ATP6V0A4: variants seen among roughly 807,000 people sequenced by gnomAD.
ATP6V0A4 encodes the protein V-type proton ATPase 116 kDa subunit a 4.
A neutral mutation model predicts 107.3 loss-of-function variants in ATP6V0A4; 86 were observed. The observed-to-expected ratio is 0.80, with a 90% CI of 0.67 to 0.96. ATP6V0A4 has a LOEUF of 0.96. Ranked by LOEUF, ATP6V0A4 falls within the 40% of genes least tolerant of loss-of-function variation. The pLI is 0.00. For synonymous variants in ATP6V0A4, 353 were observed against 381.4 expected (o/e 0.93, Z 0.87); for missense variants, 908 against 1,045.6 (o/e 0.87, Z 1.81).
At chr7:138,707,095 T>TGTGTGTGTGTGTGTGTG (rs1803413713) in intron 21 of ATP6V0A4, among the ~76,000 whole-genome samples, 1 of 110,796 alleles carries the variant, frequency 9.0e-6, no homozygotes, top group Non-Finnish European at 1.7e-5. Context: ...TGTGTGTGTA[T>TGTGTGTGTGTGTGTGTG]AATATATCAT....
intron 10 of ATP6V0A4, among the ~76,000 whole-genome samples, chr7:138,753,320 A>T (rs1806327701): frequency 6.6e-6 from 1 of 152,196 alleles, no homozygotes; most frequent in Non-Finnish European, 1.5e-5. Context: ...AATGCGGAGG[A>T]CGGCCCGCAG....
Position 138,730,341 on chromosome 7 carries a change from A to AGTGTGTGTGTGT in ATP6V0A4, c.1909-1491_1909-1480dup, listed in dbSNP as rs369725759. Among the ~76,000 whole-genome samples, 271 of 140,132 alleles carry AGTGTGTGTGTGT rather than the reference A, an allele frequency of 1.9e-3. 1 individual carries two copies. The highest frequency in any genetic ancestry group is 8.8e-3 in the East Asian group (41 of 4,672). 91.9% of individuals were successfully genotyped at this position (140,132 alleles called of 152,430 possible). ...CGATGACGTACAAAGCAACGGGATG[A>AGTGTGTGTGTGT]GTGTGTGTGTGTGTGTGTGTGTGTG... is the stretch of plus-strand genomic sequence containing the variant. On this transcript the variant is annotated intron_variant, in intron 17 of 21. Coordinates refer to ENST00000310018, the MANE Select transcript of ATP6V0A4 (RefSeq NM_020632.3).
At chr7:138,732,823 T>C in intron 17 of ATP6V0A4, 54 bp downstream of exon 17, 1 of 1,453,946 alleles carries the variant, frequency 6.9e-7, no homozygotes. Flanking sequence ...GAGAGAAATT[T>C]GACATAATCA....
At chr7:138,726,618 G>C (rs560086187) in intron 18 of ATP6V0A4, among the ~76,000 whole-genome samples, 2 of 152,204 alleles carry the variant, frequency 1.3e-5, no homozygotes, top group African/African-American at 4.8e-5. Flanking sequence ...TAGGTCTGTA[G>C]GATTTCATGA....
At chr7:138,755,873 T>A (rs972071795) in intron 9 of ATP6V0A4, 91 bp from the exon 10 acceptor site, 1 of 1,554,594 alleles carries the variant, frequency 6.4e-7, no homozygotes, top group South Asian at 1.2e-5. Context: ...TTTGCTGACT[T>A]TAGTTAGATG....
At chr7:138,712,674 T>C (rs1017143995) in intron 20 of ATP6V0A4, among the ~76,000 whole-genome samples, 2 of 152,164 alleles carry the variant, frequency 1.3e-5, no homozygotes, top group Non-Finnish European at 2.9e-5. Context: ...TAGCAGGGAC[T>C]TCTAGAATGA....
At chr7:138,732,352 C>T (rs1805063077) in intron 17 of ATP6V0A4, among the ~76,000 whole-genome samples, 1 of 152,044 alleles carries the variant, frequency 6.6e-6, no homozygotes, top group South Asian at 2.1e-4. Context: ...ATGTATTACC[C>T]CAACAAGAAT....
chr7:138,778,666 C>T (rs1356428917), intron 2 of ATP6V0A4, among the ~76,000 whole-genome samples: 2 of 152,118 alleles, frequency 1.3e-5, no homozygotes, highest in African/African-American at 2.4e-5. Context: ...AGACAATAAT[C>T]ACGCGAATCC....
intron 5 of ATP6V0A4, 187 bp from the exon 6 acceptor site, chr7:138,763,212 C>T (rs1330430076): frequency 5.3e-5 from 18 of 337,344 alleles, no homozygotes; most frequent in Non-Finnish European, 7.1e-5. Flanking sequence ...CACACACACA[C>T]GTGCATGCTC....
At chr7:138,772,647 G>A (rs1452866916) in intron 2 of ATP6V0A4, among the ~76,000 whole-genome samples, 1 of 152,158 alleles carries the variant, frequency 6.6e-6, no homozygotes, top group Admixed American at 6.5e-5. Flanking sequence ...ACAGATGCAT[G>A]TCCAAAGTTT....
At chr7:138,724,666 T>A (rs774428159) in intron 18 of ATP6V0A4, among the ~76,000 whole-genome samples, 53 of 152,184 alleles carry the variant, frequency 3.5e-4, no homozygotes, top group Non-Finnish European at 4.4e-4. Context: ...TAACTTTATA[T>A]TTGTCATCTC....
intron 9 of ATP6V0A4, chr7:138,756,012 A>T: frequency 2.8e-6 from 2 of 704,114 alleles, no homozygotes; most frequent in Non-Finnish European, 4.6e-6. Flanking sequence ...GCTTCATTCA[A>T]ACCATAAAAC....
intron 14 of ATP6V0A4, 30 bp downstream of exon 14, chr7:138,745,093 C>A: frequency 6.3e-7 from 1 of 1,586,520 alleles, no homozygotes; most frequent in Non-Finnish European, 8.7e-7. Context: ...GGATGGCCAG[C>A]GACTACACCA....
chr7:138,793,706 A>G (rs898333394), intron 1 of ATP6V0A4, among the ~76,000 whole-genome samples: 8 of 152,222 alleles, frequency 5.3e-5, no homozygotes, highest in Non-Finnish European at 8.8e-5. Context: ...CAATAACAAA[A>G]AGATAACTAG....
At chr7:138,783,841 A>G (rs1242698252) in intron 2 of ATP6V0A4, among the ~76,000 whole-genome samples, 1 of 152,174 alleles carries the variant, frequency 6.6e-6, no homozygotes, top group Non-Finnish European at 1.5e-5. Flanking sequence ...TTCCTGTCTG[A>G]GCTCAATTTT....
intron 1 of ATP6V0A4, among the ~76,000 whole-genome samples, chr7:138,792,896 AAT>A (rs1489134728): frequency 1.3e-5 from 2 of 152,010 alleles, no homozygotes; most frequent in Non-Finnish European, 2.9e-5. Context: ...AGTTGAAAGT[AAT>A]ATGATGGGAA....
rs7787546 is a variant in ATP6V0A4, at chr7:138,757,667, C to G, written c.640-1127G>C. Among the ~76,000 whole-genome samples the G allele has an allele frequency of 7.3e-3, 1,105 of 152,238 alleles. 7 individuals carry two copies. Among genetic ancestry groups the G allele is most frequent in the South Asian group, 0.019 (94 of 4,822 alleles). ...ACCTATCGGGTGTCATTAAAATGCC[C>G]GCACCCTTTAAGCCAGCAATCCTAT... On this transcript the variant is annotated intron_variant, in intron 8 of 21. Coordinates refer to ENST00000310018, the MANE Select transcript of ATP6V0A4 (RefSeq NM_020632.3).
chr7:138,781,550 T>C (rs1486960468), intron 2 of ATP6V0A4, among the ~76,000 whole-genome samples: 1 of 152,164 alleles, frequency 6.6e-6, no homozygotes, highest in Non-Finnish European at 1.5e-5. Flanking sequence ...CAGGCTGGTC[T>C]TGAACTCCTA....
rs74921348 is a variant in ATP6V0A4, at chr7:138,739,555, C to A, written c.1557G>T (p.Pro519=). 6.2e-7 allele frequency: 1 copy of A among 1,614,120 alleles called. No individual in the cohort carries two copies. The highest frequency in any genetic ancestry group is 1.1e-5 in the South Asian group (1 of 91,080). ...IPGVYFGNPY[P]FGIDPIWNLA... ...ACATTATTACCGGATCAATCCCAAA[C>A]GGGTATGGATTTCCAAAATACACTC... Residue 519 remains proline (P), a synonymous_variant, in exon 15 of 22, where the codon CCG becomes CCT. Coordinates refer to ENST00000310018, the MANE Select transcript of ATP6V0A4 (RefSeq NM_020632.3).
Sources: gnomAD v4.1 joint callset for allele counts (sites outside exome capture counted in the v4.1 genomes callset) on GRCh38, gnomAD v4.1.1 for gene constraint, MANE v1.5 for transcripts, NCBI Gene and HGNC (gene_info 2026-07-23, HGNC 2026-07-21) for gene names.